IGF1R: variants seen among roughly 807,000 people sequenced by gnomAD.
IGF1R encodes insulin-like growth factor 1 receptor.
IGF1R carries 44 observed loss-of-function variants against 144.6 expected under a neutral mutation model. That is an observed-to-expected ratio of 0.30 (90% confidence interval 0.24 to 0.39). The LOEUF (loss-of-function observed/expected upper bound fraction) is 0.39. Among genes scored for constraint, IGF1R ranks in the 10% least tolerant of loss-of-function variants. The pLI, the probability that IGF1R is intolerant of heterozygous loss-of-function variation, is 1.00. For missense variants in IGF1R, 1,355 were observed against 1,833.7 expected, an observed-to-expected ratio of 0.74 and a Z score of 4.77; for synonymous variants, 795 against 722.8, an observed-to-expected ratio of 1.10 and a Z score of -1.60.
At chr15:98,800,432 C>T (rs1231357667) in intron 2 of IGF1R, among the ~76,000 whole-genome samples, 1 of 152,108 alleles carries the variant, frequency 6.6e-6, no homozygotes. Context: ...GTTGCTATCT[C>T]TACCCCAATT....
chr15:98,690,258 C>T (rs1317283850), intron 1 of IGF1R, among the ~76,000 whole-genome samples: 1 of 152,066 alleles, frequency 6.6e-6, no homozygotes, highest in Non-Finnish European at 1.5e-5. Flanking sequence ...CAGGAGGATC[C>T]CTTGAGCCTA....
intron 2 of IGF1R, among the ~76,000 whole-genome samples, chr15:98,818,821 G>C (rs1344730234): frequency 6.6e-6 from 1 of 151,812 alleles, no homozygotes; most frequent in African/African-American, 2.4e-5. Context: ...GGGGTGGGGA[G>C]ACCAAAATTG....
chr15:98,950,251 G>C (rs1450722931), intron 20 of IGF1R, among the ~76,000 whole-genome samples: 2 of 152,236 alleles, frequency 1.3e-5, no homozygotes, highest in African/African-American at 2.4e-5. Context: ...CGGGATAATA[G>C]ATAGATATGA....
chr15:98,796,589 AC>A (rs1210887561), intron 2 of IGF1R, among the ~76,000 whole-genome samples: 2 of 152,150 alleles, frequency 1.3e-5, no homozygotes, highest in Admixed American at 1.3e-4. Context: ...TCTGCACACT[AC>A]CTGTATGGTC....
At chr15:98,696,272 T>G (rs1490160673) in intron 1 of IGF1R, among the ~76,000 whole-genome samples, 1 of 152,210 alleles carries the variant, frequency 6.6e-6, no homozygotes, top group East Asian at 1.9e-4. Context: ...TTGAATTAGA[T>G]AAACATTTTA....
At chr15:98,923,618 G>A (rs536416687) in intron 11 of IGF1R, among the ~76,000 whole-genome samples, 1 of 152,360 alleles carries the variant, frequency 6.6e-6, no homozygotes, top group South Asian at 2.1e-4. Context: ...GGAGGATCTT[G>A]TGGCATCTTG....
intron 2 of IGF1R, among the ~76,000 whole-genome samples, chr15:98,751,153 T>C (rs1221989199): frequency 6.6e-6 from 1 of 152,222 alleles, no homozygotes; most frequent in Non-Finnish European, 1.5e-5. Context: ...GTTACATGTT[T>C]ATTTCCTAGC....
At chr15:98,719,456 T>C (rs533278714) in intron 2 of IGF1R, among the ~76,000 whole-genome samples, 2 of 152,314 alleles carry the variant, frequency 1.3e-5, no homozygotes, top group South Asian at 2.1e-4. Flanking sequence ...ATTTCTTGTT[T>C]GCTGAGGGGG....
At chr15:98,897,365 A>G (rs2014251511) in intron 4 of IGF1R, 2 of 183,960 alleles carry the variant, frequency 1.1e-5, no homozygotes, top group East Asian at 1.4e-4. Context: ...GAAGTCCAAA[A>G]GAATGCTAGA....
chr15:98,906,427 G>C (rs1316433218), intron 5 of IGF1R, among the ~76,000 whole-genome samples: 1 of 152,226 alleles, frequency 6.6e-6, no homozygotes, highest in Non-Finnish European at 1.5e-5. Context: ...GTGCATCGCT[G>C]CAGTCTCCTT....
chr15:98,836,537 A>T (rs2057106524), intron 2 of IGF1R, among the ~76,000 whole-genome samples: 1 of 151,712 alleles, frequency 6.6e-6, no homozygotes, highest in South Asian at 2.1e-4. Context: ...AAAAAAAAAA[A>T]AAAGTTTGTA....
At chr15:98,847,233 T>G (rs752990593) in intron 2 of IGF1R, among the ~76,000 whole-genome samples, 16 of 152,202 alleles carry the variant, frequency 1.1e-4, no homozygotes, top group Non-Finnish European at 1.9e-4. Flanking sequence ...TGCCTTGGAC[T>G]CCCAAAGTGC....
At chr15:98,838,829 G>A (rs951888400) in intron 2 of IGF1R, among the ~76,000 whole-genome samples, 7 of 152,202 alleles carry the variant, frequency 4.6e-5, no homozygotes, top group African/African-American at 1.7e-4. Flanking sequence ...TCCAGCCCCA[G>A]CTGTCCTCTT....
At chr15:98,727,655 T>C (rs143606284) in intron 2 of IGF1R, among the ~76,000 whole-genome samples, 5,418 of 152,218 alleles carry the variant, frequency 0.036, 111 homozygotes, top group East Asian at 0.052. Flanking sequence ...TTCTCCTGCA[T>C]TATACCCAGG....
chr15:98,920,962 G>T (rs187142361), intron 10 of IGF1R, among the ~76,000 whole-genome samples: 1 of 152,270 alleles, frequency 6.6e-6, no homozygotes, highest in African/African-American at 2.4e-5. Context: ...GTGGCTTCTG[G>T]GCTGTTCCGT....
intron 2 of IGF1R, chr15:98,824,085 G>GGTA (rs2056848310): frequency 6.6e-6 from 1 of 152,102 alleles, no homozygotes; most frequent in Non-Finnish European, 1.5e-5. Context: ...AACTAGGGAG[G>GGTA]GTAACATGGA....
At chr15:98,669,728 G>T (rs1003790427) in intron 1 of IGF1R, among the ~76,000 whole-genome samples, 5 of 152,220 alleles carry the variant, frequency 3.3e-5, no homozygotes, top group African/African-American at 4.8e-5. Flanking sequence ...GGAAGCTGAG[G>T]TGTGTCTGCC....
At chr15:98,722,892 A>G (rs2054276797) in intron 2 of IGF1R, among the ~76,000 whole-genome samples, 1 of 152,094 alleles carries the variant, frequency 6.6e-6, no homozygotes, top group Non-Finnish European at 1.5e-5. Context: ...AATCAGGAGC[A>G]TCTCCGCCTG....
At chr15:98,834,314 TTTC>T (rs762560333) in intron 2 of IGF1R, among the ~76,000 whole-genome samples, 3 of 152,232 alleles carry the variant, frequency 2.0e-5, no homozygotes, top group Non-Finnish European at 4.4e-5. Flanking sequence ...AAGCTGTCAC[TTTC>T]TCTGGCTGTA....
Sources: allele counts gnomAD v4.1 joint callset (sites outside exome capture counted in the v4.1 genomes callset), GRCh38; gene constraint gnomAD v4.1.1; transcripts MANE v1.5; gene names NCBI Gene and HGNC (gene_info 2026-07-23, HGNC 2026-07-21).